The following TARP variants were observed in gnomAD, a reference collection of about 807,000 sequenced individuals.
At chr7:38,272,582 G>A in the TARP span, among the ~76,000 whole-genome samples, 6 of 147,126 alleles carry the variant, frequency 4.1e-5, no homozygotes, top group East Asian at 2.0e-4. Context: ...ATGATAATGT[G>A]ATGAGGGTCA....
At chr7:38,269,350 T>A in the TARP span, 8 of 593,216 alleles carry the variant, frequency 1.3e-5, no homozygotes, top group African/African-American at 9.4e-5. Flanking sequence ...TGAGCGTTTG[T>A]TTTAAAGTCT....
the TARP span, among the ~76,000 whole-genome samples, chr7:38,261,882 A>AG: frequency 0.027 from 4,059 of 150,092 alleles, 170 homozygotes; most frequent in East Asian, 0.13. Flanking sequence ...AAAAAAAAAA[A>AG]AAAAGAAAAG....
the TARP span, among the ~76,000 whole-genome samples, chr7:38,270,897 A>G: frequency 6.6e-6 from 1 of 151,412 alleles, no homozygotes; most frequent in Non-Finnish European, 1.5e-5. Flanking sequence ...GGACTCATGC[A>G]TTGAAGTCTT....
the TARP span, among the ~76,000 whole-genome samples, chr7:38,271,593 C>G: frequency 7.3e-5 from 11 of 151,272 alleles, no homozygotes; most frequent in East Asian, 2.1e-3. Context: ...GTCATTATTA[C>G]TTGGGGTAAT....
At chr7:38,271,278 C>A in the TARP span, among the ~76,000 whole-genome samples, 11 of 151,574 alleles carry the variant, frequency 7.3e-5, no homozygotes, top group Admixed American at 1.3e-4. Context: ...GGAATGGAGA[C>A]TATGTTTGCA....
the TARP span, among the ~76,000 whole-genome samples, chr7:38,266,560 C>A: frequency 1.3e-5 from 2 of 151,888 alleles, no homozygotes; most frequent in Non-Finnish European, 2.9e-5. Context: ...CCTCAGCCTC[C>A]CAAATCCTGG....
At chr7:38,269,626 A>G in the TARP span, 1 of 599,396 alleles carries the variant, frequency 1.7e-6, no homozygotes, top group East Asian at 2.8e-5. Context: ...TCAAAAGACC[A>G]GGGTTCCAGT....
At chr7:38,262,206 A>G in the TARP span, 1 of 1,611,882 alleles carries the variant, frequency 6.2e-7, no homozygotes, top group Non-Finnish European at 8.5e-7. Flanking sequence ...TTTGGGATCC[A>G]TTGTGATGAC....
chr7:38,269,482 G>A, the TARP span: 39 of 726,338 alleles, frequency 5.4e-5, no homozygotes, highest in Non-Finnish European at 8.5e-5. Flanking sequence ...GTATTCTTCC[G>A]ATACTTACCT....
At chr7:38,272,710 A>G in the TARP span, among the ~76,000 whole-genome samples, 1 of 150,432 alleles carries the variant, frequency 6.6e-6, no homozygotes, top group Non-Finnish European at 1.5e-5. Flanking sequence ...AGGGAGTTAC[A>G]TAGAAAGTGC....
At chr7:38,262,711 C>T in the TARP span, among the ~76,000 whole-genome samples, 4 of 151,102 alleles carry the variant, frequency 2.6e-5, no homozygotes, top group Non-Finnish European at 4.4e-5. Flanking sequence ...GAGTATAGTA[C>T]GGTGTCATCA....
chr7:38,262,196 T>C, the TARP span: 1 of 1,612,504 alleles, frequency 6.2e-7, no homozygotes. Flanking sequence ...AACAATTGTC[T>C]TTGGGATCCA....
At chr7:38,269,474 A>G in the TARP span, 1 of 723,964 alleles carries the variant, frequency 1.4e-6, no homozygotes, top group Non-Finnish European at 2.5e-6. Context: ...GAAATGTTGT[A>G]TTCTTCCGAT....
At chr7:38,263,868 T>C in the TARP span, among the ~76,000 whole-genome samples, 2 of 151,966 alleles carry the variant, frequency 1.3e-5, no homozygotes, top group Non-Finnish European at 2.9e-5. Context: ...GTCTCAAGAA[T>C]GCAAACGTTA....
the TARP span, among the ~76,000 whole-genome samples, chr7:38,261,649 A>C: frequency 5.3e-5 from 8 of 151,526 alleles, no homozygotes; most frequent in African/African-American, 1.7e-4. Flanking sequence ...GCGAGGGGGC[A>C]GATCACGAGG....
chr7:38,266,949 T>C, the TARP span, among the ~76,000 whole-genome samples: 1 of 151,884 alleles, frequency 6.6e-6, no homozygotes, highest in Non-Finnish European at 1.5e-5. Flanking sequence ...AAAATTTCAT[T>C]TTGCTTCAGA....
the TARP span, chr7:38,265,544 A>G: frequency 1.2e-6 from 2 of 1,612,064 alleles, no homozygotes; most frequent in Non-Finnish European, 1.7e-6. Context: ...TTTTCTTGCC[A>G]ATGTATCTTA....
At chr7:38,263,613 T>C in the TARP span, among the ~76,000 whole-genome samples, 1 of 150,868 alleles carries the variant, frequency 6.6e-6, no homozygotes, top group Admixed American at 6.7e-5. Context: ...CAATAAAACC[T>C]GAGGTGAGAG....
the TARP span, among the ~76,000 whole-genome samples, chr7:38,261,489 C>T: frequency 1.3e-4 from 19 of 151,572 alleles, no homozygotes; most frequent in Middle Eastern, 6.8e-3. Context: ...AACACTAGTT[C>T]GTGTTATTAG....
Sources: gnomAD v4.1 joint callset for allele counts (sites outside exome capture counted in the v4.1 genomes callset) on GRCh38, gnomAD v4.1.1 for gene constraint, MANE v1.5 for transcripts.